Variants in PKHD1 observed in about 807,000 individuals in gnomAD.
The protein encoded by PKHD1 is PKHD1 ciliary IPT domain containing fibrocystin/polyductin.
Under a neutral mutation model 412.0 loss-of-function variants are expected in PKHD1, and 291 were observed. That is an observed-to-expected ratio of 0.71 (90% CI 0.64 to 0.78). The LOEUF is 0.78. Ranked by LOEUF, PKHD1 falls within the 30% of genes least tolerant of loss-of-function variation. The pLI, the probability that PKHD1 is intolerant of heterozygous loss-of-function variation, is 0.00. For missense variants in PKHD1, 4,825 were observed against 4,950.7 expected, an observed-to-expected ratio of 0.97 and a Z score of 0.76; for synonymous variants, 1,777 against 1,821.5, an observed-to-expected ratio of 0.98 and a Z score of 0.62.
At chr6:51,722,724 T>C (rs943672706) in intron 60 of PKHD1, among the ~76,000 whole-genome samples, 10 of 152,204 alleles carry the variant, frequency 6.6e-5, no homozygotes, top group Non-Finnish European at 1.3e-4. Flanking sequence ...CAGGAGGATA[T>C]AATCTAATTG....
intron 50 of PKHD1, among the ~76,000 whole-genome samples, chr6:51,845,974 T>C (rs534864054): frequency 6.6e-6 from 1 of 152,346 alleles, no homozygotes; most frequent in Non-Finnish European, 1.5e-5. Context: ...ATTAAAATTT[T>C]GTTCCAGAAT....
intron 39 of PKHD1, among the ~76,000 whole-genome samples, chr6:51,910,588 T>A (rs909707070): frequency 1.3e-5 from 2 of 152,156 alleles, no homozygotes; most frequent in Non-Finnish European, 2.9e-5. Flanking sequence ...CAATCAAGGA[T>A]GTTTTCCATT....
At chr6:51,768,365 G>A (rs1789490243) in intron 55 of PKHD1, among the ~76,000 whole-genome samples, 1 of 151,840 alleles carries the variant, frequency 6.6e-6, no homozygotes, top group Non-Finnish European at 1.5e-5. Flanking sequence ...TCAAATTTTT[G>A]TTATGCATCA....
intron 55 of PKHD1, among the ~76,000 whole-genome samples, chr6:51,770,485 T>C (rs28584404): frequency 0.19 from 27,937 of 147,130 alleles, 3,385 homozygotes; most frequent in African/African-American, 0.35. Context: ...GTTATAATTA[T>C]ATTTTGACTT....
At chr6:51,698,590 C>T (rs1779066165) in intron 60 of PKHD1, among the ~76,000 whole-genome samples, 1 of 151,914 alleles carries the variant, frequency 6.6e-6, no homozygotes, top group Non-Finnish European at 1.5e-5. Flanking sequence ...TCCTAAGGAG[C>T]ACAAGCATCA....
At chr6:52,009,724 G>A (rs1433983351) in intron 35 of PKHD1, among the ~76,000 whole-genome samples, 4 of 152,078 alleles carry the variant, frequency 2.6e-5, no homozygotes, top group Non-Finnish European at 5.9e-5. Context: ...TTACAAACAT[G>A]CTTTTAGAAG....
intron 53 of PKHD1, among the ~76,000 whole-genome samples, chr6:51,782,107 T>C (rs1231123588): frequency 6.6e-6 from 1 of 151,876 alleles, no homozygotes; most frequent in Non-Finnish European, 1.5e-5. Context: ...ATATTACTGT[T>C]ATATGGATTC....
chr6:51,618,828 A>G lies in PKHD1; in HGVS notation c.*253T>C. ...AATCAGGCTTAAGTTAAAAACTGGT[A>G]AATAATTAACAAGTGCCATTATTTG... On this transcript the variant is annotated 3_prime_UTR_variant, in exon 67 of 67. Coordinates refer to ENST00000371117, the MANE Select transcript of PKHD1 (RefSeq NM_138694.4). 1.9e-6 allele frequency: 1 copy of G among 526,280 alleles called. No homozygotes were observed. The highest frequency in any genetic ancestry group is 3.4e-6 in the Non-Finnish European group (1 of 292,188). 32.6% of individuals were successfully genotyped at this position (526,280 alleles called of 1,614,324 possible).
At chr6:52,024,501 A>C (rs909732597) in intron 32 of PKHD1, 73 bp downstream of exon 32, 6 of 1,398,816 alleles carry the variant, frequency 4.3e-6, no homozygotes, top group Non-Finnish European at 6.1e-6. Context: ...TTAATTTTCT[A>C]CTTTCCAGAA....
intron 36 of PKHD1, among the ~76,000 whole-genome samples, chr6:51,942,926 G>T (rs1043062039): frequency 6.6e-6 from 1 of 151,538 alleles, no homozygotes; most frequent in African/African-American, 2.4e-5. Flanking sequence ...CCCTGCCCAG[G>T]ACTGGCAAAT....
chr6:52,078,768 T>C (rs1422138123), intron 5 of PKHD1, among the ~76,000 whole-genome samples: 1 of 152,226 alleles, frequency 6.6e-6, no homozygotes, highest in East Asian at 1.9e-4. Context: ...TGATTAATGC[T>C]TGGACTTCTC....
intron 26 of PKHD1, 43 bp downstream of exon 26, chr6:52,043,582 T>C: frequency 7.3e-7 from 1 of 1,371,932 alleles, no homozygotes; most frequent in Non-Finnish European, 1.0e-6. Flanking sequence ...TCACTGCAAG[T>C]CTCCGGCTTA....
At chr6:51,996,715 C>G (rs980974321) in intron 35 of PKHD1, among the ~76,000 whole-genome samples, 2 of 152,142 alleles carry the variant, frequency 1.3e-5, no homozygotes, top group African/African-American at 4.8e-5. Context: ...TGTTTTCACC[C>G]CCTCAAAATC....
intron 52 of PKHD1, among the ~76,000 whole-genome samples, chr6:51,816,988 T>C (rs892959132): frequency 1.3e-5 from 2 of 152,244 alleles, no homozygotes; most frequent in African/African-American, 4.8e-5. Context: ...TGACCCTCTT[T>C]GTAGTACATG....
At chr6:51,900,784 C>T (rs1781120429) in intron 43 of PKHD1, among the ~76,000 whole-genome samples, 1 of 151,670 alleles carries the variant, frequency 6.6e-6, no homozygotes, top group Admixed American at 6.6e-5. Flanking sequence ...TGACAAAGGG[C>T]TAATATCCAG....
intron 53 of PKHD1, among the ~76,000 whole-genome samples, chr6:51,782,408 T>G (rs1792177190): frequency 6.6e-6 from 1 of 152,148 alleles, no homozygotes; most frequent in Non-Finnish European, 1.5e-5. Flanking sequence ...CTGCCAGCCT[T>G]ATTAGGGACT....
intron 59 of PKHD1, 44 bp downstream of exon 59, chr6:51,746,677 A>G: frequency 2.4e-6 from 3 of 1,230,676 alleles, no homozygotes; most frequent in Non-Finnish European, 3.6e-6. Context: ...AGAATTGCCA[A>G]GTACTTCATA....
At chr6:51,640,191 C>T (rs1346030869) in intron 63 of PKHD1, among the ~76,000 whole-genome samples, 1 of 152,120 alleles carries the variant, frequency 6.6e-6, no homozygotes, top group African/African-American at 2.4e-5. Flanking sequence ...TGCAGTTTTT[C>T]CTTTGACAAA....
In PKHD1 at chr6:51,746,692, T is replaced by A. The variant is rs749034948; in HGVS notation, c.9998+29A>T. On this transcript the variant is annotated intron_variant, in intron 59 of 66. Coordinates refer to ENST00000371117, the MANE Select transcript of PKHD1 (RefSeq NM_138694.4). ...AGAATTGCCAAGTACTTCATAAATA[T>A]GGCTTATTATAAATACTAAAAATTA... 3.6e-6 allele frequency: 5 copies of A among 1,401,482 alleles called. No individual in the cohort carries two copies. In the African/African-American group the frequency reaches 7.1e-5, roughly 20 times the overall value. 86.8% of individuals were successfully genotyped at this position (1,401,482 alleles called of 1,614,324 possible). A position where few individuals can be genotyped will look rare whatever the true frequency, so the allele number is the denominator to read the frequency against.
Sources: gnomAD v4.1 joint callset for allele counts (sites outside exome capture counted in the v4.1 genomes callset) on GRCh38, gnomAD v4.1.1 for gene constraint, MANE v1.5 for transcripts, NCBI Gene and HGNC (gene_info 2026-07-23, HGNC 2026-07-21) for gene names.